The following CNTNAP2 variants were observed in gnomAD, a reference collection of about 807,000 sequenced individuals.
The protein encoded by CNTNAP2 is contactin-associated protein-like 2.
Under a neutral mutation model 155.2 loss-of-function variants are expected in CNTNAP2, and 98 were observed. That is an observed-to-expected ratio of 0.63 (90% confidence interval 0.54 to 0.75). CNTNAP2 has a LOEUF of 0.75. Ranked by LOEUF, CNTNAP2 falls within the 30% of genes least tolerant of loss-of-function variation. CNTNAP2 has a pLI of 0.00. For synonymous variants in CNTNAP2, 651 were observed against 631.2 expected, an observed-to-expected ratio of 1.03 and a Z score of -0.47; for missense variants, 1,727 against 1,688.1, an observed-to-expected ratio of 1.02 and a Z score of -0.40.
intron 3 of CNTNAP2, among the ~76,000 whole-genome samples, chr7:146,946,941 A>G (rs1204630131): frequency 6.6e-6 from 1 of 152,198 alleles, no homozygotes; most frequent in African/African-American, 2.4e-5. Context: ...GCATCTTTAT[A>G]GATATTTTTG....
chr7:146,746,247 G>A (rs17170238), intron 1 of CNTNAP2, among the ~76,000 whole-genome samples: 19,587 of 152,070 alleles, frequency 0.13, 1,702 homozygotes, highest in East Asian at 0.36. Flanking sequence ...CTTAAAAGAC[G>A]TTAAAGACAG....
chr7:146,850,447 A>C (rs1437679328), intron 3 of CNTNAP2, among the ~76,000 whole-genome samples: 1 of 152,324 alleles, frequency 6.6e-6, no homozygotes, highest in South Asian at 2.1e-4. Context: ...CAGCTGCACA[A>C]ATTAATAAAT....
rs1584978023 is a variant in CNTNAP2, at chr7:147,829,300, T to A, written c.2099-74265T>A. 4.6e-5 allele frequency among the ~76,000 whole-genome samples: 7 copies of A among 152,182 alleles called. 1 individual carries two copies. Among genetic ancestry groups the A allele is most frequent in the Admixed American group, 4.6e-4 (7 of 15,282 alleles). ...GGCAAAATCAATCATGCCACAGGAG[T>A]TAGTTTCAGTTTGGTGAAAGAAAAT... On this transcript the variant is annotated intron_variant, in intron 13 of 23. Coordinates refer to ENST00000361727, the MANE Select transcript of CNTNAP2 (RefSeq NM_014141.6).
At chr7:146,367,786 T>C (rs1378789417) in intron 1 of CNTNAP2, among the ~76,000 whole-genome samples, 2 of 152,274 alleles carry the variant, frequency 1.3e-5, no homozygotes, top group East Asian at 3.9e-4. Flanking sequence ...ATTTATATAC[T>C]ATGTATATGA....
At chr7:148,394,874 C>A (rs1404304985) in intron 22 of CNTNAP2, among the ~76,000 whole-genome samples, 1 of 152,120 alleles carries the variant, frequency 6.6e-6, no homozygotes, top group African/African-American at 2.4e-5. Context: ...CCCTGGAAAA[C>A]CACTTGAGCC....
At chr7:148,273,536 C>T (rs529103945) in intron 21 of CNTNAP2, among the ~76,000 whole-genome samples, 28 of 152,254 alleles carry the variant, frequency 1.8e-4, no homozygotes, top group East Asian at 1.5e-3. Context: ...TTTCTGCCAT[C>T]GCTGTAAATC....
intron 10 of CNTNAP2, 136 bp from the exon 11 acceptor site, chr7:147,485,799 A>G: frequency 2.5e-6 from 2 of 815,200 alleles, no homozygotes; most frequent in Non-Finnish European, 4.3e-6. Context: ...TAATCTGCTT[A>G]AACTAACAAG....
At chr7:147,718,241 G>A (rs1345772059) in intron 13 of CNTNAP2, among the ~76,000 whole-genome samples, 2 of 151,922 alleles carry the variant, frequency 1.3e-5, no homozygotes, top group African/African-American at 4.8e-5. Context: ...GTATAGGTAG[G>A]GTAAAAAGCT....
chr7:148,165,651 C>T (rs1805641071), intron 17 of CNTNAP2, among the ~76,000 whole-genome samples: 1 of 152,138 alleles, frequency 6.6e-6, no homozygotes, highest in South Asian at 2.1e-4. Context: ...GAGACTGAGG[C>T]CCAAATAGGA....
At chr7:146,211,958 C>T (rs899390132) in intron 1 of CNTNAP2, among the ~76,000 whole-genome samples, 1 of 152,074 alleles carries the variant, frequency 6.6e-6, no homozygotes, top group African/African-American at 2.4e-5. Context: ...TAGATAGATA[C>T]AGCTTTTCTG....
Position 147,729,438 on chromosome 7 carries a change from A to ACG in CNTNAP2, c.2098+90133_2098+90134insGC, listed in dbSNP as rs72207844. 7.9e-5 allele frequency among the ~76,000 whole-genome samples: 5 copies of ACG among 63,510 alleles called. No homozygotes were observed. In the African/African-American group the frequency reaches 9.6e-4, roughly 12 times the overall value. 41.7% of individuals were successfully genotyped at this position (63,510 alleles called of 152,430 possible). A position where few individuals can be genotyped will look rare whatever the true frequency, so the allele number is the denominator to read the frequency against. On this transcript the variant is annotated intron_variant, in intron 13 of 23. Transcript: ENST00000361727. ...CACGCACACACACACGCACACACAC[A>ACG]CACACACACAGAGTTGTGAAACTAC...
At chr7:146,873,822 T>C (rs1211593040) in intron 3 of CNTNAP2, among the ~76,000 whole-genome samples, 1 of 152,160 alleles carries the variant, frequency 6.6e-6, no homozygotes, top group African/African-American at 2.4e-5. Flanking sequence ...TGTTAGTACA[T>C]CATGTTTTTC....
intron 1 of CNTNAP2, among the ~76,000 whole-genome samples, chr7:146,280,219 T>C (rs929975294): frequency 7.9e-5 from 12 of 152,152 alleles, no homozygotes; most frequent in Non-Finnish European, 1.6e-4. Context: ...ATATGACATA[T>C]GCAAAAAACA....
At chr7:147,768,932 A>G (rs190863943) in intron 13 of CNTNAP2, among the ~76,000 whole-genome samples, 242 of 152,294 alleles carry the variant, frequency 1.6e-3, no homozygotes, top group African/African-American at 5.5e-3. Context: ...TCCACTTCAA[A>G]GAAGGTACTT....
intron 13 of CNTNAP2, among the ~76,000 whole-genome samples, chr7:147,738,450 A>G (rs1448525586): frequency 2.6e-5 from 4 of 152,132 alleles, no homozygotes; most frequent in East Asian, 3.9e-4. Flanking sequence ...CCAGCTTTCA[A>G]CAACAACTGC....
chr7:147,292,903 G>A (rs2116752432), intron 8 of CNTNAP2, among the ~76,000 whole-genome samples: 1 of 152,214 alleles, frequency 6.6e-6, no homozygotes, highest in Admixed American at 6.5e-5. Flanking sequence ...TGGAGTAGCT[G>A]GGATTACAGG....
At chr7:148,398,261 A>G (rs1382366072) in intron 22 of CNTNAP2, among the ~76,000 whole-genome samples, 3 of 152,156 alleles carry the variant, frequency 2.0e-5, no homozygotes. Flanking sequence ...GTTTCTGAAA[A>G]CTTAAGAATA....
intron 3 of CNTNAP2, among the ~76,000 whole-genome samples, chr7:146,982,939 G>A (rs990080957): frequency 6.6e-6 from 1 of 152,042 alleles, no homozygotes; most frequent in Non-Finnish European, 1.5e-5. Flanking sequence ...ATTTGCCTAA[G>A]CTGCAAAATT....
At chr7:146,793,904 A>G (rs1311067356) in intron 2 of CNTNAP2, among the ~76,000 whole-genome samples, 1 of 152,226 alleles carries the variant, frequency 6.6e-6, no homozygotes, top group Non-Finnish European at 1.5e-5. Context: ...ACTGTTAAAG[A>G]AGACAGGACT....
Sources: allele counts gnomAD v4.1 joint callset (sites outside exome capture counted in the v4.1 genomes callset), GRCh38; gene constraint gnomAD v4.1.1; transcripts MANE v1.5; gene names NCBI Gene and HGNC (gene_info 2026-07-23, HGNC 2026-07-21).